XRRA1: variants seen among roughly 807,000 people sequenced by gnomAD.
The protein encoded by XRRA1 is X-ray radiation resistance associated 1.
A neutral mutation model predicts 80.2 loss-of-function variants in XRRA1; 69 were observed. The ratio of observed to expected loss-of-function variants is 0.86; its 90% confidence interval spans 0.71 to 1.05. The LOEUF (loss-of-function observed/expected upper bound fraction) is 1.05, where lower values mean the gene tolerates loss of function less well. Ranked by LOEUF, XRRA1 falls within the 50% of genes least tolerant of loss-of-function variation. The probability of loss-of-function intolerance (pLI) is 0.00; values close to 1 mark genes in which losing one functional copy is unlikely to be tolerated. For missense variants in XRRA1, 967 were observed against 976.4 expected, an observed-to-expected ratio of 0.99 and a Z score of 0.13; for synonymous variants, 348 against 389.9, an observed-to-expected ratio of 0.89 and a Z score of 1.27.
intron 10 of XRRA1, among the ~76,000 whole-genome samples, chr11:74,866,980 C>T (rs149170878): frequency 2.6e-4 from 39 of 152,262 alleles, no homozygotes; most frequent in African/African-American, 7.7e-4. Flanking sequence ...TGGGTGTGCA[C>T]GTACCCCACC....
At chr11:74,945,186 T>C (rs1341347364) in intron 1 of XRRA1, 101 bp from the exon 2 acceptor site, 1 of 152,502 alleles carries the variant, frequency 6.6e-6, no homozygotes, top group Non-Finnish European at 1.5e-5. Flanking sequence ...CCAATATTTG[T>C]CTTGCCTTTA....
intron 10 of XRRA1, among the ~76,000 whole-genome samples, chr11:74,879,647 C>T (rs1473149584): frequency 2.0e-5 from 3 of 152,000 alleles, no homozygotes; most frequent in Non-Finnish European, 4.4e-5. Context: ...CCATCAATAC[C>T]TAATTTACTG....
At chr11:74,928,265 C>T (rs967618311) in intron 6 of XRRA1, among the ~76,000 whole-genome samples, 9 of 152,138 alleles carry the variant, frequency 5.9e-5, no homozygotes, top group Non-Finnish European at 1.0e-4. Flanking sequence ...GTATCACTTG[C>T]GGTAAAAATC....
chr11:74,938,680 G>A (rs1326144348), intron 3 of XRRA1, among the ~76,000 whole-genome samples: 3 of 152,148 alleles, frequency 2.0e-5, no homozygotes, highest in Non-Finnish European at 2.9e-5. Context: ...CCTTGATAAT[G>A]TGAGTGCCCT....
chr11:74,898,097 C>T (rs2052781848), intron 10 of XRRA1, among the ~76,000 whole-genome samples: 7 of 152,038 alleles, frequency 4.6e-5, no homozygotes, highest in Admixed American at 4.6e-4. Flanking sequence ...ATAGAAACAA[C>T]AAAAAGTTAG....
At chr11:74,930,154 TTG>T (rs2139377258) in intron 6 of XRRA1, 144 bp downstream of exon 6, 1 of 705,342 alleles carries the variant, frequency 1.4e-6, no homozygotes, top group African/African-American at 1.8e-5. Flanking sequence ...ATCGAGGTCT[TTG>T]TGCTCTCCAG....
chr11:74,922,896 G>GTCATCA (rs140988206), intron 7 of XRRA1, among the ~76,000 whole-genome samples: 1 of 152,048 alleles, frequency 6.6e-6, no homozygotes, highest in African/African-American at 2.4e-5. Context: ...AATGTTGGCT[G>GTCATCA]TCATCATCAT....
At chr11:74,860,858 C>T (rs142568617) in intron 11 of XRRA1, among the ~76,000 whole-genome samples, 1 of 152,320 alleles carries the variant, frequency 6.6e-6, no homozygotes, top group African/African-American at 2.4e-5. Context: ...ATAGGAATAT[C>T]TTTGTTATGC....
At chr11:74,900,261 GC>G (rs1460951590) in intron 10 of XRRA1, among the ~76,000 whole-genome samples, 1 of 152,014 alleles carries the variant, frequency 6.6e-6, no homozygotes, top group Non-Finnish European at 1.5e-5. Context: ...CAAAATACTA[GC>G]AAAACAAATT....
chr11:74,884,780 G>C (rs2048620017), intron 10 of XRRA1, among the ~76,000 whole-genome samples: 1 of 152,174 alleles, frequency 6.6e-6, no homozygotes, highest in South Asian at 2.1e-4. Context: ...AGCTAAGGTA[G>C]TGTTAAGAGG....
intron 10 of XRRA1, among the ~76,000 whole-genome samples, chr11:74,903,661 C>T (rs1379821993): frequency 6.6e-6 from 1 of 152,088 alleles, no homozygotes. Context: ...GGAGATCGCA[C>T]CATTGCACTC....
chr11:74,877,930 C>T (rs1428573050), intron 10 of XRRA1, among the ~76,000 whole-genome samples: 1 of 151,818 alleles, frequency 6.6e-6, no homozygotes, highest in Non-Finnish European at 1.5e-5. Context: ...CATACGTGTG[C>T]ATGTGTCTTT....
intron 11 of XRRA1, among the ~76,000 whole-genome samples, chr11:74,860,345 T>A (rs1049222132): frequency 6.8e-4 from 104 of 152,192 alleles, no homozygotes; most frequent in African/African-American, 2.4e-3. Context: ...GATAAGGCAG[T>A]ATCCTCCACT....
chr11:74,926,823 C>T (rs1419435254), intron 7 of XRRA1, among the ~76,000 whole-genome samples: 1 of 152,130 alleles, frequency 6.6e-6, no homozygotes, highest in South Asian at 2.1e-4. Context: ...TACAAATGTT[C>T]AAGACTCTGC....
chr11:74,911,802 T>A (rs1478998508), intron 8 of XRRA1, among the ~76,000 whole-genome samples: 1 of 152,058 alleles, frequency 6.6e-6, no homozygotes, highest in African/African-American at 2.4e-5. Context: ...AAACTTAACA[T>A]AGGAAGCCAC....
rs1316517762 is a variant in XRRA1 at position 74,848,155 on chromosome 11, T to A, written c.1688A>T (p.Asp563Val). ...GGACTCTGTGCTCTTGGAGTCCTCA[T>A]CTGATGGGCGCTCTGGGCTGAGGCG... Reference protein sequence around the residue: ...TVRLSPERPSDEDSKSTESIF... With the variant: ...TVRLSPERPSVEDSKSTESIF... The change falls in exon 15 of 19, where the codon GAT becomes GTT. Residue 563 changes from aspartate (D) to valine (V), a missense_variant. Asp to Val is a radical substitution (Grantham distance 152). Transcript: ENST00000684022. 2 of 1,613,138 alleles carry A rather than the reference T, an allele frequency of 1.2e-6. No homozygotes were observed. Among genetic ancestry groups the A allele is most frequent in the Non-Finnish European group, 1.7e-6 (2 of 1,179,886 alleles).
At chr11:74,929,331 A>G (rs1281931244) in intron 6 of XRRA1, among the ~76,000 whole-genome samples, 1 of 151,828 alleles carries the variant, frequency 6.6e-6, no homozygotes, top group East Asian at 1.9e-4. Context: ...TTCTTGTCAC[A>G]ATCCTGGCTC....
chr11:74,872,556 C>G (rs1826060046), intron 10 of XRRA1, among the ~76,000 whole-genome samples: 1 of 151,874 alleles, frequency 6.6e-6, no homozygotes, highest in Non-Finnish European at 1.5e-5. Flanking sequence ...ACCAGTGTGG[C>G]AAGTCAGGGC....
intron 10 of XRRA1, among the ~76,000 whole-genome samples, chr11:74,903,895 A>G (rs2054049478): frequency 6.6e-6 from 1 of 152,210 alleles, no homozygotes; most frequent in Non-Finnish European, 1.5e-5. Context: ...GCAGGAAAAT[A>G]TATCCAAGAT....
Sources: gnomAD v4.1 joint callset for allele counts (sites outside exome capture counted in the v4.1 genomes callset) on GRCh38, gnomAD v4.1.1 for gene constraint, MANE v1.5 for transcripts, NCBI Gene and HGNC (gene_info 2026-07-23, HGNC 2026-07-21) for gene names.